The following KCNQ5 variants were observed in gnomAD, a reference collection of about 807,000 sequenced individuals.
The protein encoded by KCNQ5 is potassium voltage-gated channel subfamily Q member 5.
Under a neutral mutation model 98.2 loss-of-function variants are expected in KCNQ5, and 30 were observed. The observed-to-expected ratio is 0.31, with a 90% CI of 0.23 to 0.41. The LOEUF is 0.41. Ranked by LOEUF, KCNQ5 falls within the 10% of genes least tolerant of loss-of-function variation. KCNQ5 has a pLI of 1.00. For synonymous variants in KCNQ5, 458 were observed against 449.4 expected (o/e 1.02, Z -0.24); for missense variants, 835 against 1,182.5 (o/e 0.71, Z 4.31).
chr6:72,898,422 G>A (rs969467563), intron 1 of KCNQ5, among the ~76,000 whole-genome samples: 1 of 152,110 alleles, frequency 6.6e-6, no homozygotes, highest in Admixed American at 6.6e-5. Flanking sequence ...GAGAACATGT[G>A]GTGTTTGGTT....
At chr6:72,861,568 C>T (rs1777764134) in intron 1 of KCNQ5, among the ~76,000 whole-genome samples, 1 of 152,150 alleles carries the variant, frequency 6.6e-6, no homozygotes. Flanking sequence ...GCAAAAGATT[C>T]TCCTTAGTGT....
At chr6:72,849,649 T>G (rs1156438852) in intron 1 of KCNQ5, among the ~76,000 whole-genome samples, 1 of 152,108 alleles carries the variant, frequency 6.6e-6, no homozygotes, top group Non-Finnish European at 1.5e-5. Flanking sequence ...CAGACAGAAA[T>G]AAAAAATTCC....
At chr6:72,671,253 A>T (rs111582921) in intron 1 of KCNQ5, among the ~76,000 whole-genome samples, 1 of 152,186 alleles carries the variant, frequency 6.6e-6, no homozygotes, top group East Asian at 1.9e-4. Flanking sequence ...TACTTTGGGA[A>T]AACTGAATGA....
At chr6:72,816,640 C>A (rs374340462) in intron 1 of KCNQ5, among the ~76,000 whole-genome samples, 1 of 152,106 alleles carries the variant, frequency 6.6e-6, no homozygotes, top group Non-Finnish European at 1.5e-5. Context: ...TCTAGATTAA[C>A]GTAACAATTA....
intron 1 of KCNQ5, among the ~76,000 whole-genome samples, chr6:72,633,538 A>G (rs1246820474): frequency 6.6e-6 from 1 of 152,250 alleles, no homozygotes; most frequent in African/African-American, 2.4e-5. Context: ...AATTAGATAA[A>G]ACTATTCTAA....
chr6:72,683,287 G>A (rs916875288), intron 1 of KCNQ5, among the ~76,000 whole-genome samples: 4 of 151,502 alleles, frequency 2.6e-5, no homozygotes, highest in Non-Finnish European at 5.9e-5. Flanking sequence ...GGAGAAATCA[G>A]CACACACATT....
At chr6:73,051,536 G>A (rs1015728982) in intron 3 of KCNQ5, among the ~76,000 whole-genome samples, 1 of 152,044 alleles carries the variant, frequency 6.6e-6, no homozygotes, top group Non-Finnish European at 1.5e-5. Context: ...ACCTCAAGGG[G>A]CCAGAGAATA....
chr6:73,055,459 T>A lies in KCNQ5; in HGVS notation c.616+13397T>A. 7 of 1,550,046 alleles carry A rather than the reference T, an allele frequency of 4.5e-6. 1 individual carries two copies. The South Asian group carries it at 7.8e-5, about 17-fold the overall frequency. ...GGTGCTCCTATGATGTCCCACCACCTCCGATGGAGCCCTACCATCCTTTCT... is the reference window on the plus strand; with the variant it reads ...GGTGCTCCTATGATGTCCCACCACCACCGATGGAGCCCTACCATCCTTTCT... On this transcript the variant is annotated intron_variant, in intron 3 of 13. Transcript: ENST00000370398.
chr6:73,044,940 G>T (rs1219032522), intron 3 of KCNQ5, among the ~76,000 whole-genome samples: 1 of 152,158 alleles, frequency 6.6e-6, no homozygotes, highest in Non-Finnish European at 1.5e-5. Flanking sequence ...AAAAGATTGT[G>T]GTAGACTGGC....
chr6:73,160,814 A>G (rs1416794193), intron 10 of KCNQ5, among the ~76,000 whole-genome samples: 1 of 152,088 alleles, frequency 6.6e-6, no homozygotes, highest in African/African-American at 2.4e-5. Flanking sequence ...GGGAACTCCA[A>G]CGCCTGGGTC....
At chr6:72,799,026 G>A (rs778528995) in intron 1 of KCNQ5, among the ~76,000 whole-genome samples, 17 of 152,074 alleles carry the variant, frequency 1.1e-4, no homozygotes, top group Non-Finnish European at 2.2e-4. Context: ...ATGGCAAAGA[G>A]TGGTGTATCA....
At chr6:73,111,725 C>T (rs776024667) in intron 7 of KCNQ5, among the ~76,000 whole-genome samples, 6 of 152,128 alleles carry the variant, frequency 3.9e-5, no homozygotes, top group Non-Finnish European at 8.8e-5. Context: ...CTTGATGAAA[C>T]GTAATTGATC....
chr6:72,917,761 A>G lies in KCNQ5; in HGVS notation c.399-86147A>G, dbSNP rs549470683. On this transcript the variant is annotated intron_variant, in intron 1 of 13. Coordinates refer to ENST00000370398, the MANE Select transcript of KCNQ5 (RefSeq NM_019842.4). The stretch of plus-strand genomic sequence containing the variant: ...GCTGAGATTACAGGCATGAGTCACC[A>G]TGCGCGGCCAGGAGCTCCCTTTTCA... Among the ~76,000 whole-genome samples, 10 of 152,174 alleles carry G rather than the reference A, an allele frequency of 6.6e-5. No homozygotes were observed. In the East Asian group the frequency reaches 1.9e-3, roughly 29 times the overall value.
chr6:72,663,970 C>T (rs1425753353), intron 1 of KCNQ5, among the ~76,000 whole-genome samples: 1 of 152,226 alleles, frequency 6.6e-6, no homozygotes, highest in Non-Finnish European at 1.5e-5. Flanking sequence ...TGGACCATCA[C>T]CCTACTCCCC....
At position 72,622,404 on chromosome 6, in the gene KCNQ5, G is replaced by T; in HGVS notation, c.215G>T (p.Gly72Val). ...GTRAATLGGGGGGLRESRRGK... is the reference protein window; with the variant it reads ...GTRAATLGGGVGGLRESRRGK... ...CGCGCGGCCACGCTCGGTGGCGGCG[G>T]CGGTGGCCTGAGGGAGAGCCGCCGG... The change falls in exon 1 of 14, where the codon GGC (glycine) becomes GTC (valine). Residue 72 changes from glycine (G) to valine (V), a missense_variant. By Grantham distance (109) the Gly-to-Val change is moderately radical. Transcript: ENST00000370398. The surrounding 1 kb of genome is among the most constrained non-coding windows in gnomAD (Gnocchi z 6.0). The T allele has an allele frequency of 1.3e-6, 2 of 1,500,886 alleles. No homozygotes were observed. Among genetic ancestry groups the T allele is most frequent in the East Asian group, 2.6e-5 (1 of 39,056 alleles). The allele number at this position is 1,500,886 out of a possible 1,614,324, so 93.0% of individuals were successfully genotyped here.
chr6:73,009,385 A>T (rs1161778901), intron 2 of KCNQ5, among the ~76,000 whole-genome samples: 1 of 152,160 alleles, frequency 6.6e-6, no homozygotes, highest in Non-Finnish European at 1.5e-5. Flanking sequence ...TATGGGACAC[A>T]GTGAAAGTTG....
intron 1 of KCNQ5, among the ~76,000 whole-genome samples, chr6:72,725,242 C>A (rs1452072127): frequency 6.6e-6 from 1 of 151,962 alleles, no homozygotes; most frequent in African/African-American, 2.4e-5. Context: ...GTTATATTAA[C>A]TATTAATATA....
chr6:73,100,405 G>A (rs1312757894), intron 5 of KCNQ5, among the ~76,000 whole-genome samples: 2 of 152,102 alleles, frequency 1.3e-5, no homozygotes, highest in African/African-American at 2.4e-5. Context: ...TGTGGCTCAC[G>A]CCTGTAATCC....
chr6:72,681,682 C>T (rs375787313), intron 1 of KCNQ5, among the ~76,000 whole-genome samples: 31 of 152,262 alleles, frequency 2.0e-4, no homozygotes, highest in Middle Eastern at 3.4e-3. Context: ...CCGGATCTTG[C>T]GCCTTCACAG....
Sources: allele counts gnomAD v4.1 joint callset (sites outside exome capture counted in the v4.1 genomes callset), GRCh38; gene constraint gnomAD v4.1.1; non-coding constraint Gnocchi (gnomAD v3.1); transcripts MANE v1.5; gene names NCBI Gene and HGNC (gene_info 2026-07-23, HGNC 2026-07-21).